PARD3B: variants seen among roughly 807,000 people sequenced by gnomAD.
PARD3B encodes the protein partitioning defective 3 homolog B.
In PARD3B, 103 loss-of-function variants were observed where a neutral mutation model predicts 130.2. The observed-to-expected ratio is 0.79, with a 90% confidence interval of 0.67 to 0.93. PARD3B has a LOEUF of 0.93. PARD3B is among the 40% of genes least tolerant of loss of function. PARD3B has a pLI of 0.00. For synonymous variants in PARD3B, 583 were observed against 553.2 expected (o/e 1.05, Z -0.76); for missense variants, 1,609 against 1,499.2 (o/e 1.07, Z -1.21).
chr2:205,262,338 A>G (rs1269188288), intron 16 of PARD3B, among the ~76,000 whole-genome samples: 1 of 152,162 alleles, frequency 6.6e-6, no homozygotes, highest in Non-Finnish European at 1.5e-5. Context: ...TGAAGATATC[A>G]GTAGGCTTTT....
chr2:205,369,523 T>C (rs1218722214), intron 18 of PARD3B, among the ~76,000 whole-genome samples: 1 of 152,232 alleles, frequency 6.6e-6, no homozygotes, highest in African/African-American at 2.4e-5. Context: ...CCTGTCTACA[T>C]GACCCACCAC....
At chr2:205,248,048 C>T (rs2039646200) in intron 16 of PARD3B, among the ~76,000 whole-genome samples, 1 of 152,178 alleles carries the variant, frequency 6.6e-6, no homozygotes, top group African/African-American at 2.4e-5. Flanking sequence ...TCCACCTCAG[C>T]CTCCCGGATA....
At chr2:204,547,233 A>G (rs568411466) in intron 1 of PARD3B, among the ~76,000 whole-genome samples, 1 of 152,346 alleles carries the variant, frequency 6.6e-6, no homozygotes, top group South Asian at 2.1e-4. Context: ...GTTTAAGAAA[A>G]TACTTGCACC....
intron 13 of PARD3B, among the ~76,000 whole-genome samples, chr2:205,179,845 C>T (rs1206837561): frequency 6.6e-6 from 1 of 151,376 alleles, no homozygotes; most frequent in African/African-American, 2.4e-5. Flanking sequence ...AGGATACATC[C>T]AGAAAACAAA....
At chr2:205,477,309 T>G (rs962848340) in intron 20 of PARD3B, among the ~76,000 whole-genome samples, 5 of 152,206 alleles carry the variant, frequency 3.3e-5, no homozygotes, top group African/African-American at 1.2e-4. Context: ...TTCTCTTTGG[T>G]GCAGAGTGGA....
chr2:205,505,342 TAACA>T (rs998930974), intron 21 of PARD3B, among the ~76,000 whole-genome samples: 3 of 152,126 alleles, frequency 2.0e-5, no homozygotes, highest in African/African-American at 7.2e-5. Context: ...TATACATATG[TAACA>T]AACCTGCACG....
intron 3 of PARD3B, among the ~76,000 whole-genome samples, chr2:204,996,730 G>A (rs1230317231): frequency 6.7e-6 from 1 of 149,608 alleles, no homozygotes; most frequent in African/African-American, 2.5e-5. Flanking sequence ...AGCAATCAGC[G>A]AGATTCCGTG....
intron 2 of PARD3B, among the ~76,000 whole-genome samples, chr2:204,865,694 C>T (rs1055249915): frequency 6.6e-6 from 1 of 152,050 alleles, no homozygotes; most frequent in African/African-American, 2.4e-5. Context: ...GTACACTGCT[C>T]AGGTGATGGG....
intron 1 of PARD3B, among the ~76,000 whole-genome samples, chr2:204,670,443 A>G (rs770283331): frequency 6.6e-5 from 10 of 152,164 alleles, no homozygotes; most frequent in Non-Finnish European, 1.2e-4. Flanking sequence ...TCTAAGAAGC[A>G]GTCACTCCAA....
chr2:204,592,099 A>G (rs2033095797), intron 1 of PARD3B, among the ~76,000 whole-genome samples: 1 of 152,278 alleles, frequency 6.6e-6, no homozygotes, highest in Non-Finnish European at 1.5e-5. Context: ...CCCGGAGGGC[A>G]AGGGGAAAAC....
chr2:205,279,086 A>AC (rs1559616089), intron 16 of PARD3B, among the ~76,000 whole-genome samples: 4 of 150,670 alleles, frequency 2.7e-5, no homozygotes, highest in Non-Finnish European at 4.4e-5. Context: ...AAAAAAAAAA[A>AC]AAAAAAAAAA....
chr2:204,664,702 G>A lies in PARD3B; in HGVS notation c.121-21479G>A, dbSNP rs1429294928. Among the ~76,000 whole-genome samples the A allele has an allele frequency of 1.3e-5, 2 of 152,138 alleles. No homozygotes were observed. Among genetic ancestry groups the A allele is most frequent in the Non-Finnish European group, 2.9e-5 (2 of 68,018 alleles). Reference sequence around the variant, plus strand: ...TTGAGAATTTGGACTCATTAGCAGGGCTTATTTCTTTGGCTATATTTCCTG... The same window carrying A: ...TTGAGAATTTGGACTCATTAGCAGGACTTATTTCTTTGGCTATATTTCCTG... On this transcript the variant is annotated intron_variant, in intron 1 of 22. Transcript: ENST00000406610. The surrounding 1 kb of genome is among the most constrained non-coding windows in gnomAD (Gnocchi z 5.2).
chr2:205,595,906 C>A (rs1238340875), intron 22 of PARD3B, among the ~76,000 whole-genome samples: 1 of 150,540 alleles, frequency 6.6e-6, no homozygotes, highest in Non-Finnish European at 1.5e-5. Context: ...CAGTGAGTAA[C>A]TGTACAAGAA....
At chr2:204,576,623 A>G (rs2032274537) in intron 1 of PARD3B, among the ~76,000 whole-genome samples, 1 of 152,186 alleles carries the variant, frequency 6.6e-6, no homozygotes, top group African/African-American at 2.4e-5. Flanking sequence ...GTGTGCACGC[A>G]TGTAAATGAA....
At chr2:204,714,708 G>C (rs1227299652) in intron 2 of PARD3B, among the ~76,000 whole-genome samples, 1 of 152,080 alleles carries the variant, frequency 6.6e-6, no homozygotes, top group Admixed American at 6.6e-5. Context: ...TTATCTCTAT[G>C]ATATCAAATC....
In PARD3B at chr2:205,530,872, G is replaced by C. The variant is rs755696353; in HGVS notation, c.3181-22452G>C. On this transcript the variant is annotated intron_variant, in intron 21 of 22. Transcript: ENST00000406610. The surrounding 1 kb of genome is among the most constrained non-coding windows in gnomAD (Gnocchi z 4.7). ...ATGACCCACCTGGATAAGAATTGTT[G>C]TAAAGGAATTATGTAGTGCAGGACC... is the stretch of plus-strand genomic sequence containing the variant. Among the ~76,000 whole-genome samples, 6 of 152,184 alleles carry C rather than the reference G, an allele frequency of 3.9e-5. No individual in the cohort carries two copies. The highest frequency in any genetic ancestry group is 4.1e-4 in the South Asian group (2 of 4,820).
At chr2:205,334,658 C>T (rs1464298117) in intron 18 of PARD3B, among the ~76,000 whole-genome samples, 5 of 152,142 alleles carry the variant, frequency 3.3e-5, no homozygotes, top group Non-Finnish European at 5.9e-5. Flanking sequence ...TTCTCTATGG[C>T]CTTTTCATTT....
At chr2:204,970,522 T>C (rs1691613188) in intron 3 of PARD3B, among the ~76,000 whole-genome samples, 1 of 152,116 alleles carries the variant, frequency 6.6e-6, no homozygotes, top group Admixed American at 6.6e-5. Flanking sequence ...GTTCCTTGAG[T>C]GTTTTATTAA....
At chr2:205,521,191 CTAGT>C (rs2051033918) in intron 21 of PARD3B, among the ~76,000 whole-genome samples, 1 of 151,442 alleles carries the variant, frequency 6.6e-6, no homozygotes, top group African/African-American at 2.4e-5. Context: ...TGTATTTTTC[CTAGT>C]ATTACCAATT....
Sources: gnomAD v4.1 joint callset for allele counts (sites outside exome capture counted in the v4.1 genomes callset) on GRCh38, gnomAD v4.1.1 for gene constraint, Gnocchi (gnomAD v3.1) non-coding constraint, MANE v1.5 for transcripts, NCBI Gene and HGNC (gene_info 2026-07-23, HGNC 2026-07-21) for gene names.